The following NIPBL variants were observed in gnomAD, a reference collection of about 807,000 sequenced individuals.
The protein encoded by NIPBL is nipped-B-like protein.
A neutral mutation model predicts 321.8 loss-of-function variants in NIPBL; 19 were observed. The observed-to-expected ratio is 0.06, with a 90% confidence interval of 0.04 to 0.09. The LOEUF (loss-of-function observed/expected upper bound fraction) is 0.09. Ranked by LOEUF, NIPBL falls within the 10% of genes least tolerant of loss-of-function variation. The pLI, the probability that NIPBL is intolerant of heterozygous loss-of-function variation, is 1.00. For missense variants in NIPBL, 2,210 were observed against 3,327.0 expected (o/e 0.66, Z 8.26); for synonymous variants, 1,106 against 1,114.1 (o/e 0.99, Z 0.14).
Position 36,985,013 on chromosome 5 carries a change from T to C in NIPBL, c.1833T>C (p.Ser611=), listed in dbSNP as rs199546324. 6.2e-7 allele frequency: 1 copy of C among 1,613,048 alleles called. No homozygotes were observed. The highest frequency in any genetic ancestry group is 1.7e-5 in the Admixed American group (1 of 59,778). The change falls in exon 10 of 47, where the codon AGT becomes AGC. Residue 611 remains serine (S), a synonymous_variant. Coordinates refer to ENST00000282516, the MANE Select transcript of NIPBL (RefSeq NM_133433.4). ...AGTCTGATCCTGAGCTTTCAAAGAG[T>C]GAAATGAAACAAAGTGAAAGTAGAT... ...KKKSDPELSK[S]EMKQSESRLA... is the part of the protein sequence containing the mutation.
intron 43 of NIPBL, among the ~76,000 whole-genome samples, 180 bp downstream of exon 43, chr5:37,057,512 C>T (rs900091775): frequency 1.3e-5 from 2 of 152,136 alleles, no homozygotes; most frequent in African/African-American, 2.4e-5. Flanking sequence ...GCCACTTTAC[C>T]TCTATTTAGA....
intron 1 of NIPBL, among the ~76,000 whole-genome samples, chr5:36,887,816 G>A (rs952385696): frequency 5.3e-5 from 8 of 152,136 alleles, no homozygotes; most frequent in Admixed American, 2.6e-4. Context: ...GATGTCCCAT[G>A]AATAACAGAA....
At chr5:36,994,955 G>T (rs1355588036) in intron 10 of NIPBL, among the ~76,000 whole-genome samples, 2 of 152,028 alleles carry the variant, frequency 1.3e-5, no homozygotes, top group Admixed American at 1.3e-4. Context: ...TATTTTAAAA[G>T]ATTTGTCATC....
chr5:36,923,661 A>G (rs1749127078), intron 1 of NIPBL, among the ~76,000 whole-genome samples: 1 of 152,196 alleles, frequency 6.6e-6, no homozygotes, highest in Non-Finnish European at 1.5e-5. Flanking sequence ...TTCTGCAGTC[A>G]CAGAAGTAGT....
chr5:36,905,411 G>A (rs1359524133), intron 1 of NIPBL, among the ~76,000 whole-genome samples: 4 of 152,092 alleles, frequency 2.6e-5, no homozygotes, highest in South Asian at 4.1e-4. Context: ...ACTACTGTTG[G>A]CTTGTAAGAT....
rs1160704431 is a variant in NIPBL at position 36,923,550 on chromosome 5, T to C, written c.-79-30068T>C. Among the ~76,000 whole-genome samples, 3 of 152,318 alleles carry C rather than the reference T, an allele frequency of 2.0e-5. No homozygotes were observed. The East Asian group carries it at 5.8e-4, about 29-fold the overall frequency. ...CTGCTTTTATATACATTCTTCTTTC[T>C]GTGGCCTGAAACATTATGTGGTCTT... is the stretch of plus-strand genomic sequence containing the variant. On this transcript the variant is annotated intron_variant, in intron 1 of 46. Transcript: ENST00000282516.
intron 1 of NIPBL, among the ~76,000 whole-genome samples, chr5:36,925,559 C>T (rs1396784938): frequency 1.3e-5 from 2 of 152,108 alleles, no homozygotes; most frequent in African/African-American, 4.8e-5. Flanking sequence ...AGCCACCGCG[C>T]CCAGCCAGTT....
chr5:37,044,362 A>T lies in NIPBL; in HGVS notation c.6124A>T (p.Met2042Leu). The T allele has an allele frequency of 6.2e-7, 1 of 1,613,854 alleles. No homozygotes were observed. The change falls in exon 35 of 47, where the codon ATG becomes TTG. Residue 2042 changes from methionine (M) to leucine (L), a missense_variant. Met to Leu is a conservative substitution (Grantham distance 15). Around this residue, in one of 14 missense-constraint regions of NIPBL, gnomAD observed 73 missense variants for 222.3 expected, o/e 0.33. Coordinates refer to ENST00000282516, the MANE Select transcript of NIPBL (RefSeq NM_133433.4). ...TTKCSTQNDF[M>L]VICNVAKILE... ...ATTCTTATAGACGCAAAATGATTTC[A>T]TGGTTATCTGCAATGTTGCAAAAAT...
At chr5:36,942,676 G>A (rs1415740473) in intron 1 of NIPBL, among the ~76,000 whole-genome samples, 1 of 151,180 alleles carries the variant, frequency 6.6e-6, no homozygotes, top group African/African-American at 2.4e-5. Context: ...TGGAGGCAGA[G>A]GCTGTAATGA....
chr5:36,926,888 G>A (rs1749404199), intron 1 of NIPBL, among the ~76,000 whole-genome samples: 1 of 151,986 alleles, frequency 6.6e-6, no homozygotes, highest in Non-Finnish European at 1.5e-5. Flanking sequence ...TGGTAATAGG[G>A]CAAATGGTTT....
At chr5:36,881,451 A>G (rs1339848888) in intron 1 of NIPBL, among the ~76,000 whole-genome samples, 1 of 151,900 alleles carries the variant, frequency 6.6e-6, no homozygotes, top group Non-Finnish European at 1.5e-5. Context: ...GATTTTGAGG[A>G]CTTATTTGCC....
At chr5:37,025,774 C>T (rs1027162498) in intron 30 of NIPBL, among the ~76,000 whole-genome samples, 2 of 151,930 alleles carry the variant, frequency 1.3e-5, no homozygotes, top group African/African-American at 4.8e-5. Context: ...TTCAACTATA[C>T]TTCATAAATG....
intron 6 of NIPBL, among the ~76,000 whole-genome samples, chr5:36,967,845 A>G (rs908006394): frequency 6.6e-6 from 1 of 152,130 alleles, no homozygotes; most frequent in Non-Finnish European, 1.5e-5. Context: ...CACTCTTGTA[A>G]TCCTATCACT....
chr5:36,877,828 A>G (rs776217242), intron 1 of NIPBL, among the ~76,000 whole-genome samples: 1 of 152,242 alleles, frequency 6.6e-6, no homozygotes, highest in Non-Finnish European at 1.5e-5. Context: ...AATCGTCCAC[A>G]TGAATATTTA....
chr5:36,932,121 A>G (rs188307819), intron 1 of NIPBL, among the ~76,000 whole-genome samples: 117 of 152,194 alleles, frequency 7.7e-4, no homozygotes, highest in Middle Eastern at 3.4e-3. Context: ...CACCCTTTAT[A>G]TGATTTGTTG....
chr5:36,920,209 A>G (rs1748824909), intron 1 of NIPBL, among the ~76,000 whole-genome samples: 1 of 152,240 alleles, frequency 6.6e-6, no homozygotes, highest in African/African-American at 2.4e-5. Context: ...AAGAAAGCAT[A>G]AATTGATGAT....
chr5:36,962,330 A>G, intron 6 of NIPBL, 56 bp downstream of exon 6: 2 of 1,588,794 alleles, frequency 1.3e-6, no homozygotes, highest in Admixed American at 1.7e-5. Context: ...AATTCCAAGC[A>G]AATTTGTTTT....
chr5:37,018,966 G>A (rs1438887219), intron 24 of NIPBL, among the ~76,000 whole-genome samples: 1 of 152,026 alleles, frequency 6.6e-6, no homozygotes, highest in Non-Finnish European at 1.5e-5. Context: ...AGCCAGGCAT[G>A]GTGGACCATG....
intron 1 of NIPBL, among the ~76,000 whole-genome samples, chr5:36,952,825 TTAAG>T (rs1309212828): frequency 6.6e-6 from 1 of 152,166 alleles, no homozygotes; most frequent in African/African-American, 2.4e-5. Context: ...TACATGAACA[TTAAG>T]TAATCGTGCA....
Sources: gnomAD v4.1 joint callset for allele counts (sites outside exome capture counted in the v4.1 genomes callset) on GRCh38, gnomAD v4.1.1 for gene constraint, gnomAD v4.1.1 regional missense constraint, MANE v1.5 for transcripts, NCBI Gene and HGNC (gene_info 2026-07-23, HGNC 2026-07-21) for gene names.